The following P4HA1 variants were observed in gnomAD, a reference collection of about 807,000 sequenced individuals.
P4HA1 encodes the protein prolyl 4-hydroxylase subunit alpha 1, also known as prolyl 4-hydroxylase subunit alpha-1.
Under a neutral mutation model 72.8 loss-of-function variants are expected in P4HA1, and 24 were observed. The observed-to-expected ratio is 0.33, with a 90% CI of 0.24 to 0.46. The LOEUF (loss-of-function observed/expected upper bound fraction) is 0.46, where lower values mean the gene tolerates loss of function less well. Ranked by LOEUF, P4HA1 falls within the 20% of genes least tolerant of loss-of-function variation. The pLI, the probability that P4HA1 is intolerant of heterozygous loss-of-function variation, is 1.00. For missense variants in P4HA1, 446 were observed against 640.6 expected (o/e 0.70, Z 3.28); for synonymous variants, 201 against 218.8 (o/e 0.92, Z 0.72).
intron 8 of P4HA1, 23 bp downstream of exon 8, chr10:73,046,902 G>A: frequency 6.5e-7 from 1 of 1,530,282 alleles, no homozygotes; most frequent in Non-Finnish European, 9.0e-7. Flanking sequence ...AAATTGAGGA[G>A]AAAGAAAGAA....
chr10:73,037,180 T>TC (rs1035396736), intron 9 of P4HA1, among the ~76,000 whole-genome samples: 4 of 152,126 alleles, frequency 2.6e-5, no homozygotes, highest in African/African-American at 7.2e-5. Context: ...TCCTTTTTTT[T>TC]CCATTAAAAA....
chr10:73,018,246 C>T (rs946133989), intron 10 of P4HA1, among the ~76,000 whole-genome samples: 1 of 152,162 alleles, frequency 6.6e-6, no homozygotes, highest in African/African-American at 2.4e-5. Flanking sequence ...CCAGAACAGT[C>T]ACGTCCCCTG....
intron 1 of P4HA1, among the ~76,000 whole-genome samples, chr10:73,087,347 C>T (rs1006469094): frequency 1.3e-5 from 2 of 150,582 alleles, no homozygotes; most frequent in Admixed American, 6.7e-5. Flanking sequence ...TGTCTCACTG[C>T]AACCTCCACC....
At chr10:73,084,309 T>C (rs1349316750) in intron 1 of P4HA1, among the ~76,000 whole-genome samples, 4 of 152,188 alleles carry the variant, frequency 2.6e-5, no homozygotes, top group Non-Finnish European at 4.4e-5. Context: ...ACTAATTGTA[T>C]TGTTTGGGGG....
At chr10:73,051,300 A>T (rs546770612) in intron 6 of P4HA1, 51 bp from the exon 7 acceptor site, 4 of 971,132 alleles carry the variant, frequency 4.1e-6, no homozygotes, top group Non-Finnish European at 4.8e-6. Context: ...TGCTTGTTCA[A>T]GCATCAGAAT....
At chr10:73,010,876 A>C (rs1250921089) in intron 13 of P4HA1, 93 bp downstream of exon 13, 6 of 934,550 alleles carry the variant, frequency 6.4e-6, no homozygotes, top group African/African-American at 1.7e-5. Flanking sequence ...AAAAAGAAAA[A>C]AAAATGTAAT....
intron 1 of P4HA1, among the ~76,000 whole-genome samples, chr10:73,078,552 G>A (rs1432985587): frequency 6.7e-6 from 1 of 149,602 alleles, no homozygotes; most frequent in Non-Finnish European, 1.5e-5. Flanking sequence ...CATATGCAGA[G>A]GAAATTCACC....
chr10:73,081,320 G>A (rs1379553487), intron 1 of P4HA1, among the ~76,000 whole-genome samples: 1 of 152,094 alleles, frequency 6.6e-6, no homozygotes, highest in Admixed American at 6.6e-5. Flanking sequence ...ATAAAACTTG[G>A]TGTTGCAACA....
intron 1 of P4HA1, among the ~76,000 whole-genome samples, chr10:73,077,342 G>A (rs140182712): frequency 2.6e-5 from 4 of 152,302 alleles, no homozygotes; most frequent in Admixed American, 6.5e-5. Context: ...TCAGAAAAGA[G>A]GTTATTTTGC....
intron 14 of P4HA1, 49 bp downstream of exon 14, chr10:73,009,758 A>G (rs200568046): frequency 2.8e-5 from 31 of 1,111,430 alleles, no homozygotes; most frequent in Non-Finnish European, 3.7e-5. Context: ...TAGTTCCAAA[A>G]TAAGAAACAA....
chr10:73,049,186 A>T (rs1161740647), intron 7 of P4HA1, among the ~76,000 whole-genome samples: 1 of 152,160 alleles, frequency 6.6e-6, no homozygotes, highest in Non-Finnish European at 1.5e-5. Context: ...TAGCTCAAGC[A>T]TGTCCTCCTA....
At chr10:73,030,115 T>C (rs1840400856) in intron 10 of P4HA1, among the ~76,000 whole-genome samples, 156 bp downstream of exon 10, 1 of 152,196 alleles carries the variant, frequency 6.6e-6, no homozygotes, top group Admixed American at 6.5e-5. Flanking sequence ...TTTTTCCCAT[T>C]ATTAAAATCA....
chr10:73,030,332 C>T lies in P4HA1; in HGVS notation c.1187G>A (p.Arg396Gln), dbSNP rs199926060. The change falls in exon 10 of 15, where the codon CGA becomes CAA. Residue 396 changes from arginine (R) to glutamine (Q), a missense_variant. By Grantham distance (43) the Arg-to-Gln change is conservative. Coordinates refer to ENST00000394890, the MANE Select transcript of P4HA1 (RefSeq NM_001017962.3). The stretch of plus-strand genomic sequence containing the variant: ...TAGATCTTGTATTCTCATATTAATT[C>T]GAGACACCACAGGATTTTCATAGCC... Reference protein sequence around the residue: ...LSGYENPVVSRINMRIQDLTG... With the variant: ...LSGYENPVVSQINMRIQDLTG... 25 of 1,577,922 alleles carry T rather than the reference C, an allele frequency of 1.6e-5. No homozygotes were observed. The highest frequency in any genetic ancestry group is 1.1e-4 in the East Asian group (5 of 44,410).
intron 8 of P4HA1, among the ~76,000 whole-genome samples, chr10:73,045,731 A>AT (rs1840840619): frequency 6.6e-6 from 1 of 152,122 alleles, no homozygotes; most frequent in African/African-American, 2.4e-5. Context: ...CATTAAATTT[A>AT]TTGATCAAAA....
chr10:73,091,394 T>C (rs536285236), intron 1 of P4HA1, among the ~76,000 whole-genome samples: 20 of 152,116 alleles, frequency 1.3e-4, no homozygotes, highest in Non-Finnish European at 2.9e-5. Context: ...CTTGAACTCC[T>C]GGGCTCCAGA....
chr10:73,085,313 AAG>A (rs567873938), intron 1 of P4HA1, among the ~76,000 whole-genome samples: 465 of 152,344 alleles, frequency 3.1e-3, no homozygotes, highest in Admixed American at 5.9e-3. Context: ...CAATGTAAAA[AAG>A]TATTTGCGAA....
At chr10:73,055,811 T>C (rs1308342093) in intron 5 of P4HA1, among the ~76,000 whole-genome samples, 1 of 152,146 alleles carries the variant, frequency 6.6e-6, no homozygotes, top group Non-Finnish European at 1.5e-5. Flanking sequence ...CCTAGATTTA[T>C]TGAGGTCTTA....
chr10:73,056,620 G>A lies in P4HA1; in HGVS notation c.464-3030C>T, dbSNP rs1841153774. ...GCGGTCCAGCCTGGGCAACAACAATGAAACTCCATCAAAAAATAAATAAAT... is the reference window on the plus strand; with the variant it reads ...GCGGTCCAGCCTGGGCAACAACAATAAAACTCCATCAAAAAATAAATAAAT... On this transcript the variant is annotated intron_variant, in intron 5 of 14. Transcript: ENST00000394890. Among the ~76,000 whole-genome samples, 2 of 150,728 alleles carry A rather than the reference G, an allele frequency of 1.3e-5. 1 individual carries two copies. Among genetic ancestry groups the A allele is most frequent in the South Asian group, 4.2e-4 (2 of 4,754 alleles).
At position 73,051,068 on chromosome 10, in the gene P4HA1, C is replaced by T. The variant is rs1285657317; in HGVS notation, c.885G>A (p.Gly295=). ...ERQKYEMLCR[G]EGIKMTPRRQ... is the part of the protein sequence containing the mutation. ...TCCACTTTACCATTTTGATACCCTC[C>T]CCACGGCACAGCATTTCGTACTTCT... Residue 295 remains glycine, a synonymous_variant, in exon 7 of 15, where the codon GGG becomes GGA. Transcript: ENST00000394890. 4 of 1,613,710 alleles carry T rather than the reference C, an allele frequency of 2.5e-6. No individual in the cohort carries two copies. The highest frequency in any genetic ancestry group is 1.3e-5 in the African/African-American group (1 of 75,004).
Sources: allele counts gnomAD v4.1 joint callset (sites outside exome capture counted in the v4.1 genomes callset), GRCh38; gene constraint gnomAD v4.1.1; transcripts MANE v1.5; gene names NCBI Gene and HGNC (gene_info 2026-07-23, HGNC 2026-07-21).